Variants in CNBD2 observed in about 807,000 individuals in gnomAD.
The protein encoded by CNBD2 is cyclic nucleotide binding domain containing 2, also known as cyclic nucleotide-binding domain-containing protein 2.
Under a neutral mutation model 63.7 loss-of-function variants are expected in CNBD2, and 64 were observed. That is an observed-to-expected ratio of 1.00 (90% CI 0.82 to 1.24). The LOEUF is 1.24. Ranked by LOEUF, CNBD2 falls within the 50% of genes most tolerant of loss-of-function variation. The pLI is 0.00. For synonymous variants in CNBD2, 229 were observed against 255.4 expected (o/e 0.90, Z 0.99); for missense variants, 691 against 713.5 (o/e 0.97, Z 0.36).
At chr20:36,006,495 C>T (rs560358695) in intron 8 of CNBD2, among the ~76,000 whole-genome samples, 1 of 152,326 alleles carries the variant, frequency 6.6e-6, no homozygotes, top group African/African-American at 2.4e-5. Flanking sequence ...TGGCTCAATA[C>T]AACCTTGACC....
intron 1 of CNBD2, 30 bp downstream of exon 1, chr20:35,968,843 A>AGAGCAG (rs1204857827): frequency 6.4e-7 from 1 of 1,572,476 alleles, no homozygotes; most frequent in Admixed American, 1.8e-5. Context: ...CTGGGAGGGA[A>AGAGCAG]GAGCAGAAGA....
At chr20:36,004,095 TATA>T (rs969722838) in intron 8 of CNBD2, among the ~76,000 whole-genome samples, 1 of 152,154 alleles carries the variant, frequency 6.6e-6, no homozygotes, top group Non-Finnish European at 1.5e-5. Context: ...ACAGTTTTTT[TATA>T]ACCTAATGTC....
chr20:36,020,079 T>C (rs1012557893), intron 10 of CNBD2, among the ~76,000 whole-genome samples: 4 of 151,496 alleles, frequency 2.6e-5, no homozygotes, highest in Non-Finnish European at 2.9e-5. Context: ...AATTTTTCTT[T>C]TCTTTTTCTT....
chr20:35,965,463 C>T (rs1474105673), upstream of CNBD2, among the ~76,000 whole-genome samples: 1 of 152,158 alleles, frequency 6.6e-6, no homozygotes, highest in East Asian at 1.9e-4. Context: ...CAGGCATGAG[C>T]CACCGCGCTT....
chr20:35,987,112 A>G (rs2056678478), intron 6 of CNBD2, among the ~76,000 whole-genome samples: 1 of 152,136 alleles, frequency 6.6e-6, no homozygotes, highest in Admixed American at 6.5e-5. Context: ...AAGGAGGAGC[A>G]GAGGTGAGAA....
chr20:35,962,011 G>A (rs1239446265), intron 2 of CNBD2, among the ~76,000 whole-genome samples: 3 of 152,102 alleles, frequency 2.0e-5, no homozygotes, highest in Admixed American at 6.5e-5. Flanking sequence ...GGTGTAGCCC[G>A]CTTCTTTGGA....
chr20:35,974,788 T>G (rs2056476636), intron 2 of CNBD2: 1 of 152,178 alleles, frequency 6.6e-6, no homozygotes, highest in African/African-American at 2.4e-5. Context: ...CTGAAAGCCT[T>G]GAGTTGGGGT....
chr20:35,993,481 T>C (rs559486262), intron 7 of CNBD2, among the ~76,000 whole-genome samples: 1 of 152,368 alleles, frequency 6.6e-6, no homozygotes, highest in South Asian at 2.1e-4. Context: ...GTGCATAGAA[T>C]AATATGTGAC....
chr20:35,964,294 T>C (rs1162882038), upstream of CNBD2, among the ~76,000 whole-genome samples: 1 of 151,872 alleles, frequency 6.6e-6, no homozygotes, highest in Admixed American at 6.6e-5. Context: ...GATTCTCCTG[T>C]CTCGGCCTCC....
chr20:35,973,095 G>A, intron 2 of CNBD2: 2 of 459,240 alleles, frequency 4.4e-6, no homozygotes, highest in Non-Finnish European at 7.6e-6. Flanking sequence ...TATGGGCTGA[G>A]AGGGAAGGAG....
chr20:36,005,304 A>G (rs1330122503), intron 8 of CNBD2, among the ~76,000 whole-genome samples: 1 of 152,192 alleles, frequency 6.6e-6, no homozygotes, highest in African/African-American at 2.4e-5. Flanking sequence ...GATGGAGCAC[A>G]CAACCTAGAT....
At position 35,995,114 on chromosome 20, in the gene CNBD2, A is replaced by G; in HGVS notation, c.932A>G (p.Glu311Gly). ...SYRRWIWQHLELIDGRPLKTH... is the reference protein window; with the variant it reads ...SYRRWIWQHLGLIDGRPLKTH... ...CGTAGATGGATCTGGCAGCACCTGG[A>G]GCTGATAGATGGCAGACCTCTGAAG... is the stretch of plus-strand genomic sequence containing the variant. The change falls in exon 8 of 12, where the codon GAG (glutamate) becomes GGG (glycine). Residue 311 changes from glutamate to glycine, a missense_variant. Glu to Gly is a moderately conservative substitution (Grantham distance 98). Transcript: ENST00000373973. The G allele has an allele frequency of 1.9e-6, 3 of 1,614,012 alleles. No individual in the cohort carries two copies. Among genetic ancestry groups the G allele is most frequent in the Non-Finnish European group, 2.5e-6 (3 of 1,179,952 alleles).
At chr20:35,998,919 A>C (rs995231244) in intron 8 of CNBD2, among the ~76,000 whole-genome samples, 2 of 151,638 alleles carry the variant, frequency 1.3e-5, no homozygotes, top group African/African-American at 4.8e-5. Flanking sequence ...AGAGTTGTTA[A>C]AATCTCCAGC....
chr20:36,011,192 C>T lies in CNBD2; in HGVS notation c.1204C>T (p.Leu402Phe). 1 of 1,599,224 alleles carries T rather than the reference C, an allele frequency of 6.3e-7. No individual in the cohort carries two copies. Among genetic ancestry groups the T allele is most frequent in the South Asian group, 1.1e-5 (1 of 88,572 alleles). Reference sequence around the variant, plus strand: ...CATGATCAATATCAAGCCTGGTGAGCTCCCCAAGGAGGCTGCAGTGGGGGC... The same window carrying T: ...CATGATCAATATCAAGCCTGGTGAGTTCCCCAAGGAGGCTGCAGTGGGGGC... ...CAMINIKPGE[L>F]PKEAAVGAYV... The change falls in exon 10 of 12, where the codon CTC becomes TTC. Residue 402 changes from leucine to phenylalanine, a missense_variant. Leu to Phe is a conservative substitution (Grantham distance 22, BLOSUM62 0). Transcript: ENST00000373973.
At chr20:36,024,984 T>C (rs949177272) in intron 11 of CNBD2, among the ~76,000 whole-genome samples, 20 of 152,328 alleles carry the variant, frequency 1.3e-4, no homozygotes, top group South Asian at 8.3e-4. Context: ...ATAGCAGCCA[T>C]ATTCATAATA....
At chr20:35,993,681 A>G (rs1290450460) in intron 7 of CNBD2, among the ~76,000 whole-genome samples, 9 of 152,116 alleles carry the variant, frequency 5.9e-5, no homozygotes, top group Non-Finnish European at 1.0e-4. Flanking sequence ...TGTTACTACT[A>G]GTTATTTCTG....
chr20:35,970,860 C>T (rs886968646), intron 1 of CNBD2, among the ~76,000 whole-genome samples: 6 of 152,150 alleles, frequency 3.9e-5, no homozygotes, highest in African/African-American at 7.2e-5. Context: ...GGACTACAGG[C>T]GAGTGCCACT....
chr20:36,023,790 C>A lies in CNBD2; in HGVS notation c.1439+19C>A. ...TCCCCAGGTCAGTACTGGAAATGTG[C>A]GTAAGTCCCATCAGGTGAAATGAAC... On this transcript the variant is annotated intron_variant, in intron 11 of 11. Coordinates refer to ENST00000373973, the MANE Select transcript of CNBD2 (RefSeq NM_001365709.1). 1 of 1,563,522 alleles carries A rather than the reference C, an allele frequency of 6.4e-7. No homozygotes were observed. The highest frequency in any genetic ancestry group is 8.7e-7 in the Non-Finnish European group (1 of 1,155,410).
At chr20:35,976,385 C>T (rs1568861045) in intron 3 of CNBD2, among the ~76,000 whole-genome samples, 1 of 152,114 alleles carries the variant, frequency 6.6e-6, no homozygotes, top group Non-Finnish European at 1.5e-5. Flanking sequence ...TCTGGTTCTA[C>T]CCTGAATTCT....
Sources: gnomAD v4.1 joint callset for allele counts (sites outside exome capture counted in the v4.1 genomes callset) on GRCh38, gnomAD v4.1.1 for gene constraint, MANE v1.5 for transcripts, NCBI Gene and HGNC (gene_info 2026-07-23, HGNC 2026-07-21) for gene names.